The following GAGE12J variants were observed in gnomAD, a reference collection of about 807,000 sequenced individuals.
GAGE12J encodes the protein G antigen 11.
Under a neutral mutation model 8.5 loss-of-function variants are expected in GAGE12J, and 5 were observed. The ratio of observed to expected loss-of-function variants is 0.59; its 90% CI spans 0.31 to 1.24. GAGE12J has a LOEUF of 1.24. GAGE12J is among the 50% of genes most tolerant of loss of function. The pLI is 0.06. For missense variants in GAGE12J, 26 were observed against 63.0 expected, an observed-to-expected ratio of 0.41 and a Z score of 1.99; for synonymous variants, 10 against 19.2, an observed-to-expected ratio of 0.52 and a Z score of 1.25.
At chrX:49,324,082 A>T (rs2066435523) in intron 3 of GAGE12J, among the ~76,000 whole-genome samples, 63 of 98,870 alleles carry the variant, frequency 6.4e-4, no homozygotes, top group African/African-American at 2.2e-3. Flanking sequence ...CCTCACTATG[A>T]TAAAAGTTCT....
intron 1 of GAGE12J, among the ~76,000 whole-genome samples, 160 bp downstream of exon 1, chrX:49,322,304 G>A (rs1278839260): frequency 9.7e-6 from 1 of 102,868 alleles, no homozygotes; most frequent in African/African-American, 3.4e-5. Context: ...GGCCACCGGC[G>A]GCTTCGTGGT....
intron 4 of GAGE12J, among the ~76,000 whole-genome samples, chrX:49,327,570 C>T (rs2066449467): frequency 8.1e-3 from 1 of 123 alleles, no homozygotes; most frequent in African/African-American, 9.1e-3. Flanking sequence ...AAGTCAGAGA[C>T]TTTAAAACCA....
intron 1 of GAGE12J, among the ~76,000 whole-genome samples, chrX:49,322,560 G>T (rs2066424407): frequency 1.1e-5 from 1 of 94,492 alleles, no homozygotes; most frequent in Admixed American, 1.1e-4. Flanking sequence ...GGAGTGCGGA[G>T]CGCCTGAGTG....
chrX:49,322,468 C>A (rs4239983), intron 1 of GAGE12J, among the ~76,000 whole-genome samples: 3 of 106,871 alleles, frequency 2.8e-5, no homozygotes, highest in African/African-American at 1.0e-4. Context: ...ATGGGGCCTC[C>A]GGCGGGGGCG....
chrX:49,322,303 C>T (rs1347536103), intron 1 of GAGE12J, among the ~76,000 whole-genome samples, 159 bp downstream of exon 1: 8 of 102,396 alleles, frequency 7.8e-5, no homozygotes, highest in African/African-American at 2.0e-4. Flanking sequence ...AGGCCACCGG[C>T]GGCTTCGTGG....
chrX:49,328,083 C>CT (rs1292605308), intron 4 of GAGE12J, among the ~76,000 whole-genome samples: 13 of 71,038 alleles, frequency 1.8e-4, no homozygotes, highest in East Asian at 4.4e-4. Flanking sequence ...ACAATTGCTT[C>CT]TTTTTTTTCT....
Position 49,328,093 on chromosome X carries a change from TTTTATTTATTTA to T in GAGE12J, c.332-1163_332-1152del, listed in dbSNP as rs1208287716. Among the ~76,000 whole-genome samples the T allele has an allele frequency of 5.7e-5, 4 of 70,160 alleles. 1 individual carries two copies. Among genetic ancestry groups the T allele is most frequent in the South Asian group, 1.7e-3 (2 of 1,149 alleles). The allele number at this position is 70,160 out of a possible 115,157, so 60.9% of individuals were successfully genotyped here. On this transcript the variant is annotated intron_variant, in intron 4 of 4. Transcript: ENST00000442437. ...AATGAACAATTGCTTCTTTTTTTTC[TTTTATTTATTTA>T]TTTATTTATTTATTGTTATACTTTA...
intron 1 of GAGE12J, among the ~76,000 whole-genome samples, 191 bp from the exon 2 acceptor site, chrX:49,322,995 G>A (rs1557126285): frequency 9.3e-6 from 1 of 107,860 alleles, no homozygotes; most frequent in African/African-American, 3.3e-5. Context: ...TAAGATGATT[G>A]CTCTGCCAGC....
intron 1 of GAGE12J, among the ~76,000 whole-genome samples, 179 bp downstream of exon 1, chrX:49,322,323 G>A (rs2066422195): frequency 9.5e-6 from 1 of 104,716 alleles, no homozygotes; most frequent in South Asian, 4.2e-4. Flanking sequence ...GTCGTGAAGG[G>A]GCCTGGACGG....
chrX:49,322,537 C>A (rs1265748981), intron 1 of GAGE12J, among the ~76,000 whole-genome samples: 1 of 98,417 alleles, frequency 1.0e-5, no homozygotes, highest in East Asian at 3.1e-4. Context: ...GTGAGCGCCC[C>A]CCCCAGCGGT....
rs1187972679 is a variant in GAGE12J at position 49,322,545 on chromosome X, G to A, written c.-9+401G>A. 1.3e-4 allele frequency among the ~76,000 whole-genome samples: 13 copies of A among 97,635 alleles called. 1 individual carries two copies. Among genetic ancestry groups the A allele is most frequent in the African/African-American group, 2.4e-4 (7 of 29,503 alleles). The allele number at this position is 97,635 out of a possible 115,157, so 84.8% of individuals were successfully genotyped here. The stretch of plus-strand genomic sequence containing the variant: ...CGGCCTGGTGAGCGCCCCCCCCAGC[G>A]GTGTGGAGTGCGGAGCGCCTGAGTG... On this transcript the variant is annotated intron_variant, in intron 1 of 4. Transcript: ENST00000442437.
Position 49,323,299 on chromosome X carries a change from C to A in GAGE12J, c.84+22C>A, listed in dbSNP as rs7064266. 3 of 1,129,808 alleles carry A rather than the reference C, an allele frequency of 2.7e-6. 1 individual carries two copies. Among genetic ancestry groups the A allele is most frequent in the East Asian group, 3.0e-5 (1 of 33,105 alleles). 93.1% of individuals were successfully genotyped at this position (1,129,808 alleles called of 1,213,427 possible). On this transcript the variant is annotated intron_variant, in intron 2 of 4. Transcript: ENST00000442437. Reference sequence around the variant, plus strand: ...GCGGGTGAGTGCTTGAACGTTAATTCGATGTTTTCTATTAGTAGAAATTAA... The same window carrying A: ...GCGGGTGAGTGCTTGAACGTTAATTAGATGTTTTCTATTAGTAGAAATTAA...
chrX:49,323,254 C>G lies in GAGE12J; in HGVS notation c.61C>G (p.Pro21Ala), dbSNP rs202119114. Residue 21 changes from proline to alanine, a missense_variant, in exon 2 of 5, where the codon CCT becomes GCT. Physicochemically the swap from Pro to Ala is conservative, Grantham distance 27. Around this residue, in one of 2 missense-constraint regions of GAGE12J, gnomAD observed 26 missense variants for 21.9 expected, o/e 1.19. Coordinates refer to ENST00000442437, the MANE Select transcript of GAGE12J (RefSeq NM_001098406.4). ...WPRPRPYVQP[P>A]EMIGPMRPEQ... ...TAGACCAAGACCCTATGTACAGCCTCCTGAAATGATTGGGCCTATGCGGGT... is the reference window on the plus strand; with the variant it reads ...TAGACCAAGACCCTATGTACAGCCTGCTGAAATGATTGGGCCTATGCGGGT... 3.4e-5 allele frequency: 39 copies of G among 1,144,622 alleles called. 3 individuals carry two copies. The African/African-American group carries it at 6.2e-4, about 18-fold the overall frequency. The allele number at this position is 1,144,622 out of a possible 1,213,427, so 94.3% of individuals were successfully genotyped here. A position where few individuals can be genotyped will look rare whatever the true frequency, so the allele number is the denominator to read the frequency against.
At chrX:49,328,189 G>A (rs2066451582) in intron 4 of GAGE12J, among the ~76,000 whole-genome samples, 1 of 74,598 alleles carries the variant, frequency 1.3e-5, no homozygotes, top group Non-Finnish European at 3.4e-5. Flanking sequence ...CATGTGCCAT[G>A]CTGTTGCACT....
At position 49,325,643 on chromosome X, in the gene GAGE12J, A is replaced by T. The variant is rs1447061578; in HGVS notation, c.206-1047A>T. Among the ~76,000 whole-genome samples, 8 of 79,783 alleles carry T rather than the reference A, an allele frequency of 1.0e-4. No homozygotes were observed. In the East Asian group the frequency reaches 2.9e-3, roughly 29 times the overall value. 69.3% of individuals were successfully genotyped at this position (79,783 alleles called of 115,157 possible). On this transcript the variant is annotated intron_variant, in intron 3 of 4. Transcript: ENST00000442437. Reference sequence around the variant, plus strand: ...CTGTTATTAATGCTGAATTGTCTCGATAAAGTTTCAGGTATTATGGTCCTT... The same window carrying T: ...CTGTTATTAATGCTGAATTGTCTCGTTAAAGTTTCAGGTATTATGGTCCTT...
chrX:49,323,157 C>A, intron 1 of GAGE12J, 29 bp from the exon 2 acceptor site: 2 of 1,094,931 alleles, frequency 1.8e-6, no homozygotes, highest in Non-Finnish European at 2.5e-6. Flanking sequence ...GTGGAGCGCA[C>A]GTTCCCAATC....
At chrX:49,322,571 A>G (rs2066424531) in intron 1 of GAGE12J, among the ~76,000 whole-genome samples, 1 of 91,780 alleles carries the variant, frequency 1.1e-5, no homozygotes, top group Non-Finnish European at 2.4e-5. Flanking sequence ...CGCCTGAGTG[A>G]GAAGCACTGC....
At position 49,322,605 on chromosome X, in the gene GAGE12J, G is replaced by A. The variant is rs1428790559; in HGVS notation, c.-9+461G>A. ...GCAAGGTCTCACCTCCGCCATGGAA[G>A]GTCCGAAAACAGTGGGAAGGAGTGG... On this transcript the variant is annotated intron_variant, in intron 1 of 4. Transcript: ENST00000442437. Among the ~76,000 whole-genome samples the A allele has an allele frequency of 6.5e-5, 6 of 91,881 alleles. No individual in the cohort carries two copies. In the East Asian group the frequency reaches 1.7e-3, roughly 26 times the overall value. 79.8% of individuals were successfully genotyped at this position (91,881 alleles called of 115,157 possible).
Position 49,322,543 on chromosome X carries a change from G to A in GAGE12J, c.-9+399G>A, listed in dbSNP as rs781982614. Among the ~76,000 whole-genome samples, 11 of 97,924 alleles carry A rather than the reference G, an allele frequency of 1.1e-4. 2 individuals are homozygous for A. In the Admixed American group the frequency reaches 1.2e-3, roughly 11 times the overall value. The allele number at this position is 97,924 out of a possible 115,157, so 85.0% of individuals were successfully genotyped here. Reference sequence around the variant, plus strand: ...TGCGGCCTGGTGAGCGCCCCCCCCAGCGGTGTGGAGTGCGGAGCGCCTGAG... The same window carrying A: ...TGCGGCCTGGTGAGCGCCCCCCCCAACGGTGTGGAGTGCGGAGCGCCTGAG... On this transcript the variant is annotated intron_variant, in intron 1 of 4. Transcript: ENST00000442437.
Sources: allele counts gnomAD v4.1 joint callset (sites outside exome capture counted in the v4.1 genomes callset), GRCh38; gene constraint gnomAD v4.1.1; regional missense constraint gnomAD v4.1.1; transcripts MANE v1.5; gene names NCBI Gene and HGNC (gene_info 2026-07-23, HGNC 2026-07-21).